The following SUSD1 variants were observed in gnomAD, a reference collection of about 807,000 sequenced individuals.
The protein encoded by SUSD1 is sushi domain containing 1.
A neutral mutation model predicts 86.9 loss-of-function variants in SUSD1; 65 were observed. The observed-to-expected ratio is 0.75, with a 90% CI of 0.61 to 0.92. The LOEUF is 0.92. SUSD1 is among the 40% of genes least tolerant of loss of function. SUSD1 has a pLI of 0.00. For missense variants in SUSD1, 850 were observed against 929.7 expected (o/e 0.91, Z 1.11); for synonymous variants, 346 against 350.0 (o/e 0.99, Z 0.13).
intron 1 of SUSD1, chr9:112,173,452 C>T (rs1834131462): frequency 5.8e-6 from 1 of 171,186 alleles, no homozygotes; most frequent in Non-Finnish European, 1.3e-5. Flanking sequence ...CAAAGGAGGA[C>T]ATCAGCCCCA....
intron 5 of SUSD1, among the ~76,000 whole-genome samples, chr9:112,138,115 G>GTGGGAGGCTGA (rs1832346382): frequency 6.8e-6 from 1 of 147,994 alleles, no homozygotes; most frequent in African/African-American, 2.5e-5. Flanking sequence ...TCCCAGCTAC[G>GTGGGAGGCTGA]TGGGAGGCTG....
At chr9:112,153,905 T>C (rs887624003) in intron 2 of SUSD1, among the ~76,000 whole-genome samples, 2 of 152,074 alleles carry the variant, frequency 1.3e-5, no homozygotes, top group African/African-American at 4.8e-5. Context: ...TGACCCACCA[T>C]GCCTGGCCTA....
intron 14 of SUSD1, among the ~76,000 whole-genome samples, chr9:112,055,802 T>C (rs1295879292): frequency 6.6e-6 from 1 of 152,224 alleles, no homozygotes; most frequent in Non-Finnish European, 1.5e-5. Context: ...GGTATACTCA[T>C]ATAATGGAAT....
At chr9:112,160,692 GAA>G (rs1435202098) in intron 1 of SUSD1, among the ~76,000 whole-genome samples, 1 of 152,082 alleles carries the variant, frequency 6.6e-6, no homozygotes, top group Non-Finnish European at 1.5e-5. Context: ...TGTTAAAAAA[GAA>G]AAAGAGATGG....
At position 112,079,312 on chromosome 9, in the gene SUSD1, T is replaced by A. The variant is rs1052122845; in HGVS notation, c.1567-588A>T. On this transcript the variant is annotated intron_variant, in intron 11 of 16. Coordinates refer to ENST00000374270, the MANE Select transcript of SUSD1 (RefSeq NM_022486.5). ...GGTCCCAATACTGGCAGCTTTCTCC[T>A]TATTCTCACACATACAGTGCACATA... Among the ~76,000 whole-genome samples the A allele has an allele frequency of 4.6e-5, 7 of 152,326 alleles. No homozygotes were observed. In the South Asian group the frequency reaches 1.4e-3, roughly 32 times the overall value.
rs193219130 is a variant in SUSD1, at chr9:112,121,444, A to T, written c.886+2813T>A. The stretch of plus-strand genomic sequence containing the variant: ...TATGTGTATGTGCATACCTTTGGGG[A>T]AAAGGTCTGTTTCCCCTGTTGCACT... On this transcript the variant is annotated intron_variant, in intron 6 of 16. Transcript: ENST00000374270. Among the ~76,000 whole-genome samples the T allele has an allele frequency of 2.0e-5, 3 of 152,290 alleles. No individual in the cohort carries two copies. The East Asian group carries it at 5.8e-4, about 29-fold the overall frequency.
chr9:112,126,592 C>T, intron 5 of SUSD1, among the ~76,000 whole-genome samples: 1 of 152,268 alleles, frequency 6.6e-6, no homozygotes, highest in Admixed American at 6.5e-5. Flanking sequence ...GTTAACAGAG[C>T]TATTCAAGTT....
intron 8 of SUSD1, among the ~76,000 whole-genome samples, chr9:112,105,244 G>T (rs13293798): frequency 0.14 from 21,238 of 151,996 alleles, 1,889 homozygotes; most frequent in East Asian, 0.29. Flanking sequence ...AAAGAAGGCA[G>T]AGGAAAAAGA....
At chr9:112,084,343 T>G (rs897009933) in intron 10 of SUSD1, among the ~76,000 whole-genome samples, 1 of 152,110 alleles carries the variant, frequency 6.6e-6, no homozygotes, top group Non-Finnish European at 1.5e-5. Context: ...AATACATGAA[T>G]TGGTATGGAA....
At chr9:112,155,692 T>C (rs115307497) in intron 2 of SUSD1, among the ~76,000 whole-genome samples, 5,438 of 151,984 alleles carry the variant, frequency 0.036, 364 homozygotes, top group African/African-American at 0.13. Flanking sequence ...CCAGGTGCGG[T>C]GGCTCATACC....
At position 112,142,961 on chromosome 9, in the gene SUSD1, C is replaced by CTTTTTTTTT. The variant is rs529470594; in HGVS notation, c.527-471_527-463dup. ...AATCCTTTAAGTTTATGAATTTTAG[C>CTTTTTTTTT]TTTTTTTTTTTTTTTTTTTTTTTTT... On this transcript the variant is annotated intron_variant, in intron 4 of 16. Coordinates refer to ENST00000374270, the MANE Select transcript of SUSD1 (RefSeq NM_022486.5). Among the ~76,000 whole-genome samples the CTTTTTTTTT allele has an allele frequency of 3.3e-4, 10 of 30,216 alleles. 3 individuals carry two copies. The highest frequency in any genetic ancestry group is 4.9e-4 in the Non-Finnish European group (7 of 14,306). 19.8% of individuals were successfully genotyped at this position (30,216 alleles called of 152,430 possible).
intron 3 of SUSD1, 48 bp from the exon 4 acceptor site, chr9:112,143,671 G>GAA (rs771712164): frequency 3.8e-5 from 50 of 1,328,850 alleles, no homozygotes; most frequent in South Asian, 2.9e-4. Flanking sequence ...ACAGAAAAAA[G>GAA]AAAAAAAAAA....
chr9:112,091,051 A>T (rs1367056), intron 10 of SUSD1, among the ~76,000 whole-genome samples: 97,943 of 152,058 alleles, frequency 0.64, 32,343 homozygotes, highest in East Asian at 0.78. Context: ...AAGGTCACTA[A>T]CTTATCTGTT....
intron 12 of SUSD1, among the ~76,000 whole-genome samples, chr9:112,063,524 G>A (rs887316511): frequency 2.0e-5 from 3 of 152,218 alleles, no homozygotes; most frequent in Non-Finnish European, 2.9e-5. Flanking sequence ...GAGTATTACA[G>A]TTTGCTTGGT....
intron 2 of SUSD1, among the ~76,000 whole-genome samples, chr9:112,155,284 C>G (rs1833248097): frequency 6.6e-6 from 1 of 151,864 alleles, no homozygotes; most frequent in African/African-American, 2.4e-5. Flanking sequence ...AGCTAGCACC[C>G]ATGGGAGGAG....
Position 112,080,097 on chromosome 9 carries a change from C to CT in SUSD1, c.1542dup (p.Ala515SerfsTer2). The CT allele has an allele frequency of 2.5e-6, 4 of 1,613,040 alleles. No individual in the cohort carries two copies. Among genetic ancestry groups the CT allele is most frequent in the Non-Finnish European group, 3.4e-6 (4 of 1,179,158 alleles). On this transcript the variant is annotated frameshift_variant, in exon 11 of 17. Coordinates refer to ENST00000374270, the MANE Select transcript of SUSD1 (RefSeq NM_022486.5). LOFTEE classifies it high-confidence loss of function. ...ACTAAATACATCTCCTCCATATCAG[C>CT]TGTCTTGATGCTTCTCCATCTCAAG...
chr9:112,144,576 C>A (rs1832726615), intron 3 of SUSD1, among the ~76,000 whole-genome samples: 1 of 152,108 alleles, frequency 6.6e-6, no homozygotes, highest in Middle Eastern at 3.4e-3. Context: ...GAGTTTGAGA[C>A]CAGCCTGGGA....
At chr9:112,155,132 T>C (rs1404088755) in intron 2 of SUSD1, among the ~76,000 whole-genome samples, 1 of 151,814 alleles carries the variant, frequency 6.6e-6, no homozygotes, top group Non-Finnish European at 1.5e-5. Context: ...CCGCCTGTAA[T>C]CCTAGCTACT....
intron 12 of SUSD1, among the ~76,000 whole-genome samples, chr9:112,071,485 G>C (rs924255766): frequency 3.3e-5 from 5 of 151,866 alleles, no homozygotes; most frequent in African/African-American, 1.2e-4. Flanking sequence ...GAAAACAAAA[G>C]AGTAAATAGC....
Sources: allele counts gnomAD v4.1 joint callset (sites outside exome capture counted in the v4.1 genomes callset), GRCh38; gene constraint gnomAD v4.1.1; transcripts MANE v1.5; gene names NCBI Gene and HGNC (gene_info 2026-07-23, HGNC 2026-07-21).